Variants in UBE2L3 observed in about 807,000 individuals in gnomAD.
The protein encoded by UBE2L3 is ubiquitin conjugating enzyme E2 L3.
In UBE2L3, 1 loss-of-function variant was observed where a neutral mutation model predicts 17.8. The ratio of observed to expected loss-of-function variants is 0.06; its 90% CI spans 0.02 to 0.27. The LOEUF is 0.27. Ranked by LOEUF, UBE2L3 falls within the 10% of genes least tolerant of loss-of-function variation. The probability of loss-of-function intolerance (pLI) is 1.00; values close to 1 mark genes in which losing one functional copy is unlikely to be tolerated. For synonymous variants in UBE2L3, 44 were observed against 68.5 expected (o/e 0.64, Z 1.76); for missense variants, 40 against 192.6 (o/e 0.21, Z 4.69).
intron 1 of UBE2L3, among the ~76,000 whole-genome samples, chr22:21,562,187 C>CT (rs902083971): frequency 0.097 from 13,740 of 141,614 alleles, 1,691 homozygotes; most frequent in African/African-American, 0.32. Flanking sequence ...CTGTGTACCT[C>CT]TTTTTTTTTT....
At position 21,623,602 on chromosome 22, in the gene UBE2L3, C is replaced by G. The variant is rs149603920; in HGVS notation, c.*1933C>G. On this transcript the variant is annotated 3_prime_UTR_variant, in exon 4 of 4. Coordinates refer to ENST00000342192, the MANE Select transcript of UBE2L3 (RefSeq NM_003347.4). ...CGTAGCTCTGCCTGCCTGTCAACCC[C>G]TCACTGCACTCTGCTCATCACGGGA... 30 of 152,944 alleles carry G rather than the reference C, an allele frequency of 2.0e-4. No homozygotes were observed. The highest frequency in any genetic ancestry group is 6.5e-4 in the African/African-American group (27 of 41,574). 9.5% of individuals were successfully genotyped at this position (152,944 alleles called of 1,614,324 possible).
At chr22:21,584,024 T>C (rs1233287914) in intron 1 of UBE2L3, among the ~76,000 whole-genome samples, 1 of 150,730 alleles carries the variant, frequency 6.6e-6, no homozygotes, top group African/African-American at 2.4e-5. Flanking sequence ...TACAGGCGTG[T>C]GCCACCATGC....
intron 3 of UBE2L3, among the ~76,000 whole-genome samples, chr22:21,620,792 G>T (rs773783765): frequency 3.9e-5 from 6 of 152,082 alleles, no homozygotes; most frequent in African/African-American, 1.4e-4. Context: ...GGGTCATTGC[G>T]CATTGACAAG....
rs1927792192 is a variant in UBE2L3, at chr22:21,584,019, G to T, written c.28-8842G>T. Among the ~76,000 whole-genome samples the T allele has an allele frequency of 2.0e-5, 3 of 152,022 alleles. No individual in the cohort carries two copies. The South Asian group carries it at 6.2e-4, about 32-fold the overall frequency. On this transcript the variant is annotated intron_variant, in intron 1 of 3. Coordinates refer to ENST00000342192, the MANE Select transcript of UBE2L3 (RefSeq NM_003347.4). ...GCCTCCTGAGTAGCTGGGATTACAG[G>T]CGTGTGCCACCATGCTGGGCTAATT...
chr22:21,599,995 A>G (rs1928768764), intron 2 of UBE2L3, among the ~76,000 whole-genome samples: 1 of 152,240 alleles, frequency 6.6e-6, no homozygotes, highest in Non-Finnish European at 1.5e-5. Flanking sequence ...TATGAAATGA[A>G]AGATTGGAAA....
At chr22:21,582,548 G>A (rs746983835) in intron 1 of UBE2L3, among the ~76,000 whole-genome samples, 2 of 151,208 alleles carry the variant, frequency 1.3e-5, no homozygotes, top group South Asian at 2.1e-4. Context: ...TTTTTGAGCC[G>A]GAGTTTCACT....
chr22:21,559,508 TG>T (rs1417548782), intron 1 of UBE2L3, among the ~76,000 whole-genome samples: 3 of 152,058 alleles, frequency 2.0e-5, no homozygotes, highest in Non-Finnish European at 4.4e-5. Context: ...CTTGGGCGAG[TG>T]CTCTGGGTGA....
intron 1 of UBE2L3, chr22:21,555,416 A>C (rs906869981): frequency 6.5e-6 from 1 of 152,810 alleles, no homozygotes; most frequent in Non-Finnish European, 1.5e-5. Flanking sequence ...TGAGGTCAGG[A>C]GTTCGGGACC....
chr22:21,606,329 G>T (rs1601432861), intron 2 of UBE2L3, among the ~76,000 whole-genome samples: 2 of 152,080 alleles, frequency 1.3e-5, no homozygotes, highest in African/African-American at 4.8e-5. Flanking sequence ...GTGTGTGTGT[G>T]TGGTGTGTGT....
chr22:21,568,000 C>G, intron 1 of UBE2L3: 2 of 1,342,060 alleles, frequency 1.5e-6, no homozygotes, highest in Non-Finnish European at 1.9e-6. Context: ...CCCCTCAGCC[C>G]GGCCCGGGGC....
At chr22:21,606,847 T>C (rs1209586941) in intron 2 of UBE2L3, among the ~76,000 whole-genome samples, 2 of 152,116 alleles carry the variant, frequency 1.3e-5, no homozygotes, top group African/African-American at 4.8e-5. Flanking sequence ...CAGATGAATA[T>C]GCTGACAGTG....
Position 21,597,775 on chromosome 22 carries a change from A to ATTTT in UBE2L3, c.123+4848_123+4851dup, listed in dbSNP as rs35054754. ...GGATCTTTGATCCATTTATATGTAG[A>ATTTT]TTTTTTTTTTTTTTTTTTTTTTTTT... On this transcript the variant is annotated intron_variant, in intron 2 of 3. Transcript: ENST00000342192. Among the ~76,000 whole-genome samples, 85 of 25,600 alleles carry ATTTT rather than the reference A, an allele frequency of 3.3e-3. 22 individuals are homozygous for ATTTT. The highest frequency in any genetic ancestry group is 0.013 in the African/African-American group (82 of 6,510). The allele number at this position is 25,600 out of a possible 152,430, so 16.8% of individuals were successfully genotyped here.
chr22:21,576,112 CTT>C (rs35221203), intron 1 of UBE2L3, among the ~76,000 whole-genome samples: 107 of 117,106 alleles, frequency 9.1e-4, no homozygotes, highest in South Asian at 7.0e-3. Context: ...TTGAAAGCAA[CTT>C]TTTTTTTTTT....
At chr22:21,602,440 T>C (rs1475328178) in intron 2 of UBE2L3, among the ~76,000 whole-genome samples, 1 of 152,178 alleles carries the variant, frequency 6.6e-6, no homozygotes, top group Non-Finnish European at 1.5e-5. Context: ...TGTATGGTGG[T>C]CTTCCCTGCT....
intron 3 of UBE2L3, among the ~76,000 whole-genome samples, chr22:21,614,149 C>G (rs1929645734): frequency 6.6e-6 from 1 of 152,204 alleles, no homozygotes; most frequent in Admixed American, 6.5e-5. Flanking sequence ...CATTCCTTCT[C>G]CCACCTGCCT....
At chr22:21,603,907 ATTTT>A (rs144747629) in intron 2 of UBE2L3, among the ~76,000 whole-genome samples, 1 of 111,326 alleles carries the variant, frequency 9.0e-6, no homozygotes, top group African/African-American at 3.4e-5. Context: ...GTGTTTTTTG[ATTTT>A]TTTTTTTTTT....
rs1214608688 is a variant in UBE2L3 at position 21,593,074 on chromosome 22, A to C, written c.123+118A>C. On this transcript the variant is annotated intron_variant, in intron 2 of 3. Transcript: ENST00000342192. Reference sequence around the variant, plus strand: ...TAGTCTAGGCAGCCAGCAGATGCACAGAAGTGGCTGTCGCTCTAGGGTGAT... The same window carrying C: ...TAGTCTAGGCAGCCAGCAGATGCACCGAAGTGGCTGTCGCTCTAGGGTGAT... 6 of 829,600 alleles carry C rather than the reference A, an allele frequency of 7.2e-6. No individual in the cohort carries two copies. In the East Asian group the frequency reaches 1.6e-4, roughly 22 times the overall value. 51.4% of individuals were successfully genotyped at this position (829,600 alleles called of 1,614,324 possible).
upstream of UBE2L3, among the ~76,000 whole-genome samples, chr22:21,563,071 G>A (rs774099988): frequency 2.7e-5 from 4 of 148,308 alleles, no homozygotes; most frequent in Non-Finnish European, 4.5e-5. Context: ...GTGAAACCCC[G>A]TCTCTACTAA....
chr22:21,569,885 G>C (rs1006344060), intron 1 of UBE2L3, among the ~76,000 whole-genome samples: 1 of 152,188 alleles, frequency 6.6e-6, no homozygotes, highest in Admixed American at 6.5e-5. Context: ...ATCGAATTCG[G>C]TTCTTTCTCC....
Sources: allele counts gnomAD v4.1 joint callset (sites outside exome capture counted in the v4.1 genomes callset), GRCh38; gene constraint gnomAD v4.1.1; transcripts MANE v1.5; gene names NCBI Gene and HGNC (gene_info 2026-07-23, HGNC 2026-07-21).